The following CNTNAP5 variants were observed in gnomAD, a reference collection of about 807,000 sequenced individuals.
The protein encoded by CNTNAP5 is contactin-associated protein-like 5.
A neutral mutation model predicts 150.2 loss-of-function variants in CNTNAP5; 72 were observed. The observed-to-expected ratio is 0.48, with a 90% CI of 0.40 to 0.58. The LOEUF is 0.58. Among genes scored for constraint, CNTNAP5 ranks in the 20% least tolerant of loss-of-function variants. CNTNAP5 has a pLI of 0.00. For missense variants in CNTNAP5, 1,636 were observed against 1,626.2 expected (o/e 1.01, Z -0.10); for synonymous variants, 672 against 619.8 (o/e 1.08, Z -1.25).
chr2:124,740,436 A>G (rs1179484262), intron 13 of CNTNAP5, among the ~76,000 whole-genome samples: 1 of 152,128 alleles, frequency 6.6e-6, no homozygotes, highest in Non-Finnish European at 1.5e-5. Context: ...TTTGAAGGGG[A>G]CAAAGGCATG....
intron 11 of CNTNAP5, among the ~76,000 whole-genome samples, chr2:124,599,975 T>C (rs1696945706): frequency 6.6e-6 from 1 of 152,192 alleles, no homozygotes; most frequent in African/African-American, 2.4e-5. Context: ...TTTTTGCATG[T>C]GATTTTCTCA....
At chr2:124,720,696 A>G (rs1351041337) in intron 13 of CNTNAP5, among the ~76,000 whole-genome samples, 2 of 152,234 alleles carry the variant, frequency 1.3e-5, no homozygotes, top group South Asian at 2.1e-4. Flanking sequence ...AATAAAAACC[A>G]CAACACTCAG....
intron 1 of CNTNAP5, among the ~76,000 whole-genome samples, chr2:124,161,274 G>A (rs1684671036): frequency 6.6e-6 from 1 of 152,182 alleles, no homozygotes; most frequent in Non-Finnish European, 1.5e-5. Context: ...GTGGAGCTGA[G>A]ACGAAAACTT....
At chr2:124,910,183 C>T (rs139943388) in intron 22 of CNTNAP5, among the ~76,000 whole-genome samples, 10 of 151,990 alleles carry the variant, frequency 6.6e-5, no homozygotes, top group Non-Finnish European at 1.3e-4. Context: ...ACATCTTTCA[C>T]GTGTGTCTCC....
intron 14 of CNTNAP5, among the ~76,000 whole-genome samples, chr2:124,756,389 TTGAC>T (rs1558763546): frequency 6.6e-6 from 1 of 152,132 alleles, no homozygotes; most frequent in South Asian, 2.1e-4. Context: ...GAACTATCAT[TTGAC>T]TGAGCAATTC....
chr2:124,381,468 A>G (rs909290475), intron 3 of CNTNAP5, among the ~76,000 whole-genome samples: 4 of 152,036 alleles, frequency 2.6e-5, no homozygotes, highest in Admixed American at 6.6e-5. Context: ...TCACATTGGG[A>G]TAGAGACAGT....
intron 12 of CNTNAP5, 44 bp from the exon 13 acceptor site, chr2:124,647,710 TGACA>T (rs1206052134): frequency 1.3e-6 from 2 of 1,514,076 alleles, no homozygotes; most frequent in Admixed American, 2.0e-5. Context: ...GCTCCATTTT[TGACA>T]TTGCTTCTAA....
At chr2:124,431,989 C>G (rs1022281176) in intron 4 of CNTNAP5, among the ~76,000 whole-genome samples, 28 of 152,166 alleles carry the variant, frequency 1.8e-4, no homozygotes, top group African/African-American at 6.0e-4. Context: ...CACAAGGGAC[C>G]CCACCTGCCA....
intron 1 of CNTNAP5, among the ~76,000 whole-genome samples, chr2:124,125,770 C>T (rs1022211392): frequency 4.6e-5 from 7 of 152,246 alleles, no homozygotes; most frequent in East Asian, 1.9e-4. Flanking sequence ...CACTCAAAAC[C>T]GCTCAACTAT....
intron 11 of CNTNAP5, among the ~76,000 whole-genome samples, chr2:124,573,797 A>G (rs989540177): frequency 6.6e-6 from 1 of 152,306 alleles, no homozygotes; most frequent in South Asian, 2.1e-4. Context: ...GGTTATCAAT[A>G]GCTCTCTGGT....
rs897102526 is a variant in CNTNAP5, at chr2:124,464,395, G to A, written c.919-10344G>A. ...GAAAAAAGAAGGACACTGGAAACTT[G>A]TGAAATAATAGATTGTAAAACCAAT... On this transcript the variant is annotated intron_variant, in intron 6 of 23. Coordinates refer to ENST00000682447, the MANE Select transcript of CNTNAP5 (RefSeq NM_001367498.1). Among the ~76,000 whole-genome samples the A allele has an allele frequency of 5.3e-5, 8 of 152,150 alleles. No homozygotes were observed. The East Asian group carries it at 1.5e-3, about 29-fold the overall frequency.
intron 3 of CNTNAP5, among the ~76,000 whole-genome samples, chr2:124,359,352 G>A (rs1369275348): frequency 2.6e-5 from 4 of 151,474 alleles, no homozygotes; most frequent in Non-Finnish European, 5.9e-5. Context: ...GCTAGCTTTT[G>A]AATGTGTTTG....
Position 124,049,796 on chromosome 2 carries a change from C to T in CNTNAP5, c.82+24064C>T, listed in dbSNP as rs117596413. Among the ~76,000 whole-genome samples, 223 of 152,258 alleles carry T rather than the reference C, an allele frequency of 1.5e-3. 3 individuals carry two copies. In the East Asian group the frequency reaches 0.04, roughly 27 times the overall value. Reference sequence around the variant, plus strand: ...ATATACAACAGAAATGTATTTTTTACAGTTGTAAAGCCTGGAGAATCCTAA... The same window carrying T: ...ATATACAACAGAAATGTATTTTTTATAGTTGTAAAGCCTGGAGAATCCTAA... On this transcript the variant is annotated intron_variant, in intron 1 of 23. Coordinates refer to ENST00000682447, the MANE Select transcript of CNTNAP5 (RefSeq NM_001367498.1).
chr2:124,145,759 C>T (rs1259728794), intron 1 of CNTNAP5, among the ~76,000 whole-genome samples: 2 of 89,952 alleles, frequency 2.2e-5, no homozygotes, highest in African/African-American at 4.6e-5. Context: ...CTAACCTGCA[C>T]AATGTGCACA....
chr2:124,336,198 G>A (rs1044867098), intron 3 of CNTNAP5, among the ~76,000 whole-genome samples: 1 of 152,026 alleles, frequency 6.6e-6, no homozygotes, highest in African/African-American at 2.4e-5. Flanking sequence ...AGGAAGGTGA[G>A]GTACAGAACT....
intron 12 of CNTNAP5, among the ~76,000 whole-genome samples, chr2:124,640,310 G>C (rs56985205): frequency 0.012 from 1,841 of 152,292 alleles, 30 homozygotes; most frequent in African/African-American, 0.042. Context: ...AGGCTAAAGT[G>C]AAGTGTGAAT....
At chr2:124,516,706 C>T (rs2104877834) in intron 8 of CNTNAP5, among the ~76,000 whole-genome samples, 1 of 152,202 alleles carries the variant, frequency 6.6e-6, no homozygotes, top group Middle Eastern at 3.4e-3. Context: ...CCCTGAACAG[C>T]CACTTGGTTA....
intron 19 of CNTNAP5, among the ~76,000 whole-genome samples, chr2:124,834,756 T>C (rs2104685401): frequency 6.6e-6 from 1 of 150,902 alleles, no homozygotes; most frequent in South Asian, 2.1e-4. Flanking sequence ...CTCTATAGTG[T>C]ACTTGCTTTA....
chr2:124,589,053 C>T (rs192977192), intron 11 of CNTNAP5, among the ~76,000 whole-genome samples: 193 of 152,230 alleles, frequency 1.3e-3, no homozygotes, highest in Non-Finnish European at 1.5e-3. Flanking sequence ...ATAGACCATA[C>T]ATTTCTCCTA....
Sources: gnomAD v4.1 joint callset for allele counts (sites outside exome capture counted in the v4.1 genomes callset) on GRCh38, gnomAD v4.1.1 for gene constraint, MANE v1.5 for transcripts, NCBI Gene and HGNC (gene_info 2026-07-23, HGNC 2026-07-21) for gene names.